TAOK1: variants seen among roughly 807,000 people sequenced by gnomAD.
TAOK1 encodes the protein TAO kinase 1.
Under a neutral mutation model 138.3 loss-of-function variants are expected in TAOK1, and 21 were observed. That is an observed-to-expected ratio of 0.15 (90% CI 0.11 to 0.22). TAOK1 has a LOEUF of 0.22. Ranked by LOEUF, TAOK1 falls within the 10% of genes least tolerant of loss-of-function variation. The pLI is 1.00. For missense variants in TAOK1, 651 were observed against 1,227.7 expected, an observed-to-expected ratio of 0.53 and a Z score of 7.02; for synonymous variants, 361 against 398.4, an observed-to-expected ratio of 0.91 and a Z score of 1.12.
chr17:29,538,693 C>A (rs1188243637), intron 19 of TAOK1, among the ~76,000 whole-genome samples: 1 of 152,124 alleles, frequency 6.6e-6, no homozygotes, highest in Admixed American at 6.5e-5. Flanking sequence ...TTGTAAGTCT[C>A]CAAGTGAACC....
intron 2 of TAOK1, among the ~76,000 whole-genome samples, chr17:29,453,087 A>G (rs905328285): frequency 1.3e-5 from 2 of 151,542 alleles, no homozygotes; most frequent in Admixed American, 6.6e-5. Context: ...TTCTATGTCT[A>G]TGGATTTGCC....
intron 12 of TAOK1, 136 bp downstream of exon 12, chr17:29,498,657 C>A (rs959576997): frequency 1.2e-5 from 12 of 963,000 alleles, no homozygotes; most frequent in Non-Finnish European, 1.7e-5. Flanking sequence ...GTGGCTCATG[C>A]CTGTAATCCC....
In TAOK1 at chr17:29,543,418, A is replaced by T. The variant is rs1003845173; in HGVS notation, c.*396A>T. Reference sequence around the variant, plus strand: ...TATCACTTTTGGGTGTCTGTATCCTAAGAAGTTTCTGAAAAGATCTAAAGC... The same window carrying T: ...TATCACTTTTGGGTGTCTGTATCCTTAGAAGTTTCTGAAAAGATCTAAAGC... On this transcript the variant is annotated 3_prime_UTR_variant, in exon 20 of 20. Transcript: ENST00000261716. 6.4e-6 allele frequency: 1 copy of T among 155,452 alleles called. No homozygotes were observed. The highest frequency in any genetic ancestry group is 2.4e-5 in the African/African-American group (1 of 41,492). The allele number at this position is 155,452 out of a possible 1,614,324, so 9.6% of individuals were successfully genotyped here.
chr17:29,452,328 TAA>T (rs1196389096), intron 2 of TAOK1, among the ~76,000 whole-genome samples: 1 of 152,238 alleles, frequency 6.6e-6, no homozygotes, highest in Non-Finnish European at 1.5e-5. Flanking sequence ...ACCTTTTTTA[TAA>T]GTCTCATGGC....
At chr17:29,535,862 C>CA (rs758637236) in intron 19 of TAOK1, among the ~76,000 whole-genome samples, 5 of 150,648 alleles carry the variant, frequency 3.3e-5, no homozygotes, top group South Asian at 2.1e-4. Flanking sequence ...CTCAAAAAAA[C>CA]AAAAAAAATC....
intron 8 of TAOK1, 22 bp from the exon 9 acceptor site, chr17:29,489,642 G>A (rs769177307): frequency 2.5e-5 from 39 of 1,561,610 alleles, no homozygotes; most frequent in Non-Finnish European, 3.3e-5. Flanking sequence ...ATTTTAACAG[G>A]AATGTTTCCT....
At chr17:29,480,780 G>A (rs1431129046) in intron 7 of TAOK1, among the ~76,000 whole-genome samples, 4 of 145,460 alleles carry the variant, frequency 2.7e-5, no homozygotes, top group African/African-American at 7.7e-5. Context: ...TGAGGTAGGA[G>A]AATCACTTGA....
chr17:29,433,424 C>CAAAA, intron 1 of TAOK1, among the ~76,000 whole-genome samples: 1 of 91,524 alleles, frequency 1.1e-5, no homozygotes, highest in Non-Finnish European at 2.2e-5. Context: ...GACTCTGTCT[C>CAAAA]AAAAAAAAAA....
intron 17 of TAOK1, among the ~76,000 whole-genome samples, chr17:29,525,295 T>G (rs2031991314): frequency 6.6e-6 from 1 of 151,516 alleles, no homozygotes; most frequent in Non-Finnish European, 1.5e-5. Flanking sequence ...GTATTTTTAG[T>G]AGAGATGGGG....
intron 8 of TAOK1, among the ~76,000 whole-genome samples, chr17:29,486,404 G>A (rs762564335): frequency 1.4e-4 from 22 of 152,196 alleles, no homozygotes; most frequent in Non-Finnish European, 2.5e-4. Flanking sequence ...AGGCCAAGGC[G>A]GGCAAATCAC....
intron 16 of TAOK1, among the ~76,000 whole-genome samples, chr17:29,518,362 G>A (rs2031855562): frequency 6.6e-6 from 1 of 152,216 alleles, no homozygotes; most frequent in African/African-American, 2.4e-5. Context: ...GTGTGCACCT[G>A]TAGTGCCAGC....
intron 1 of TAOK1, chr17:29,404,122 G>A (rs1021449159): frequency 1.3e-5 from 2 of 152,016 alleles, no homozygotes; most frequent in African/African-American, 4.8e-5. Flanking sequence ...ATATTTCTGT[G>A]TGTGTGTGGG....
At chr17:29,473,893 G>A (rs1026396279) in intron 3 of TAOK1, among the ~76,000 whole-genome samples, 1 of 151,860 alleles carries the variant, frequency 6.6e-6, no homozygotes, top group South Asian at 2.1e-4. Context: ...CACCACACCT[G>A]GCTAATTTTT....
At chr17:29,535,192 T>C (rs2032202504) in intron 19 of TAOK1, among the ~76,000 whole-genome samples, 1 of 152,000 alleles carries the variant, frequency 6.6e-6, no homozygotes, top group Non-Finnish European at 1.5e-5. Flanking sequence ...ACTCCTGTGG[T>C]CCCAGCTACT....
intron 8 of TAOK1, among the ~76,000 whole-genome samples, chr17:29,483,343 G>A (rs1224357670): frequency 6.8e-6 from 1 of 147,002 alleles, no homozygotes; most frequent in Non-Finnish European, 1.5e-5. Context: ...CTCCCGCAGT[G>A]GGGGGATTTC....
chr17:29,534,501 TC>T (rs2032189031), intron 19 of TAOK1, among the ~76,000 whole-genome samples: 1 of 152,078 alleles, frequency 6.6e-6, no homozygotes, highest in Non-Finnish European at 1.5e-5. Context: ...GCTCCAGAAA[TC>T]AAGGGAATAT....
At chr17:29,436,622 C>G (rs1362403147) in intron 1 of TAOK1, among the ~76,000 whole-genome samples, 4 of 152,164 alleles carry the variant, frequency 2.6e-5, no homozygotes, top group Non-Finnish European at 5.9e-5. Flanking sequence ...TAATTATAGT[C>G]AGAAACACAA....
At chr17:29,469,799 T>G (rs1265051765) in intron 3 of TAOK1, among the ~76,000 whole-genome samples, 3 of 152,182 alleles carry the variant, frequency 2.0e-5, no homozygotes, top group Admixed American at 1.3e-4. Context: ...TCATGAAAAT[T>G]TTTTTATGTT....
intron 5 of TAOK1, 135 bp downstream of exon 5, chr17:29,477,841 C>G (rs977013404): frequency 2.4e-6 from 1 of 425,380 alleles, no homozygotes; most frequent in Non-Finnish European, 3.9e-6. Context: ...TGTTCAAATT[C>G]TCAGCATGGT....
Sources: allele counts gnomAD v4.1 joint callset (sites outside exome capture counted in the v4.1 genomes callset), GRCh38; gene constraint gnomAD v4.1.1; transcripts MANE v1.5; gene names NCBI Gene and HGNC (gene_info 2026-07-23, HGNC 2026-07-21).